Variants in KCTD8 observed in about 807,000 individuals in gnomAD.
The protein encoded by KCTD8 is potassium channel tetramerization domain containing 8, also known as BTB/POZ domain-containing protein KCTD8.
Under a neutral mutation model 31.5 loss-of-function variants are expected in KCTD8, and 27 were observed. The ratio of observed to expected loss-of-function variants is 0.86; its 90% CI spans 0.63 to 1.18. The LOEUF (loss-of-function observed/expected upper bound fraction) is 1.18, where lower values mean the gene tolerates loss of function less well. Ranked by LOEUF, KCTD8 falls within the 50% of genes most tolerant of loss-of-function variation. The pLI is 0.00. For missense variants in KCTD8, 658 were observed against 647.7 expected (o/e 1.02, Z -0.17); for synonymous variants, 290 against 280.0 (o/e 1.04, Z -0.36).
At chr4:44,211,850 T>C (rs2109343873) in intron 1 of KCTD8, among the ~76,000 whole-genome samples, 1 of 152,232 alleles carries the variant, frequency 6.6e-6, no homozygotes, top group Middle Eastern at 3.4e-3. Flanking sequence ...ATATTTTGTA[T>C]GATTTGTTAT....
At chr4:44,415,156 T>C (rs542230591) in intron 1 of KCTD8, among the ~76,000 whole-genome samples, 25 of 152,178 alleles carry the variant, frequency 1.6e-4, no homozygotes, top group African/African-American at 5.8e-4. Flanking sequence ...TAGGGATCAG[T>C]GGATGTTTGA....
At chr4:44,370,632 G>T (rs937321345) in intron 1 of KCTD8, among the ~76,000 whole-genome samples, 1 of 152,198 alleles carries the variant, frequency 6.6e-6, no homozygotes, top group Non-Finnish European at 1.5e-5. Context: ...AAATAAGGAG[G>T]ATAACAATCA....
At chr4:44,266,990 CAA>C (rs1328515261) in intron 1 of KCTD8, among the ~76,000 whole-genome samples, 9 of 152,090 alleles carry the variant, frequency 5.9e-5, no homozygotes, top group Non-Finnish European at 1.3e-4. Context: ...ATCAACGAGA[CAA>C]AAAGTTAACA....
At chr4:44,247,326 C>T (rs957397760) in intron 1 of KCTD8, among the ~76,000 whole-genome samples, 4 of 151,964 alleles carry the variant, frequency 2.6e-5, no homozygotes, top group African/African-American at 7.2e-5. Context: ...TTAATCACTC[C>T]TAATAGTTCC....
chr4:44,377,517 A>G (rs1719946646), intron 1 of KCTD8, among the ~76,000 whole-genome samples: 2 of 152,164 alleles, frequency 1.3e-5, no homozygotes, highest in African/African-American at 4.8e-5. Flanking sequence ...AAAAGAAGGC[A>G]CAGCTGCAGG....
chr4:44,361,356 T>G (rs1435944466), intron 1 of KCTD8, among the ~76,000 whole-genome samples: 1 of 152,030 alleles, frequency 6.6e-6, no homozygotes, highest in Non-Finnish European at 1.5e-5. Flanking sequence ...TTTGGGCCAT[T>G]GTTTAACATG....
intron 1 of KCTD8, among the ~76,000 whole-genome samples, chr4:44,201,898 A>G (rs565021789): frequency 6.6e-6 from 1 of 152,308 alleles, no homozygotes; most frequent in African/African-American, 2.4e-5. Context: ...TGCATCTGAC[A>G]GAAGTCTAAA....
chr4:44,428,443 T>G (rs1721398568), intron 1 of KCTD8, among the ~76,000 whole-genome samples: 1 of 151,710 alleles, frequency 6.6e-6, no homozygotes, highest in Non-Finnish European at 1.5e-5. Flanking sequence ...ATTAAGACTC[T>G]GATCAAGTCA....
chr4:44,221,798 G>C (rs1254723232), intron 1 of KCTD8, among the ~76,000 whole-genome samples: 1 of 151,712 alleles, frequency 6.6e-6, no homozygotes, highest in Non-Finnish European at 1.5e-5. Context: ...CTGATTAGAT[G>C]GTGCCCACCC....
intron 1 of KCTD8, among the ~76,000 whole-genome samples, chr4:44,357,088 GCA>G (rs1560434763): frequency 1.4e-5 from 1 of 73,872 alleles, no homozygotes; most frequent in African/African-American, 4.0e-5. Flanking sequence ...GGCATTTGAG[GCA>G]AAAAAAAAAA....
At chr4:44,177,667 T>G (rs1329209601) in intron 1 of KCTD8, among the ~76,000 whole-genome samples, 1 of 152,328 alleles carries the variant, frequency 6.6e-6, no homozygotes, top group East Asian at 1.9e-4. Context: ...AAGACATAAC[T>G]TGCTCCTCCT....
At chr4:44,428,533 T>C (rs990905532) in intron 1 of KCTD8, among the ~76,000 whole-genome samples, 2 of 151,754 alleles carry the variant, frequency 1.3e-5, no homozygotes, top group East Asian at 1.9e-4. Flanking sequence ...ATCAATATTT[T>C]TGGGATTAGA....
chr4:44,255,138 G>T (rs553765883), intron 1 of KCTD8, among the ~76,000 whole-genome samples: 1 of 151,822 alleles, frequency 6.6e-6, no homozygotes, highest in Non-Finnish European at 1.5e-5. Context: ...GATGATAAAC[G>T]TCTTTTTTTC....
At chr4:44,372,333 A>C (rs753825150) in intron 1 of KCTD8, among the ~76,000 whole-genome samples, 1 of 152,190 alleles carries the variant, frequency 6.6e-6, no homozygotes, top group Non-Finnish European at 1.5e-5. Context: ...ATTCCAGAAA[A>C]AGACAAACAG....
intron 1 of KCTD8, among the ~76,000 whole-genome samples, chr4:44,392,487 TA>T (rs1473036476): frequency 6.6e-6 from 1 of 152,026 alleles, no homozygotes; most frequent in Non-Finnish European, 1.5e-5. Flanking sequence ...TCCATAATAT[TA>T]AAGTCAAAAC....
chr4:44,442,774 T>TACACACATATACAC (rs1553908577), intron 1 of KCTD8, among the ~76,000 whole-genome samples: 3 of 147,234 alleles, frequency 2.0e-5, no homozygotes, highest in Non-Finnish European at 4.5e-5. Flanking sequence ...AACTAAGGTA[T>TACACACATATACAC]ACACACACAC....
intron 1 of KCTD8, among the ~76,000 whole-genome samples, chr4:44,370,347 G>A (rs1428688490): frequency 6.6e-6 from 1 of 152,064 alleles, no homozygotes; most frequent in Non-Finnish European, 1.5e-5. Flanking sequence ...CTTCCAAGAT[G>A]GTAATATATA....
intron 1 of KCTD8, among the ~76,000 whole-genome samples, chr4:44,365,895 T>C (rs1719619266): frequency 6.6e-6 from 1 of 152,110 alleles, no homozygotes. Flanking sequence ...AACTATTACA[T>C]AAATTATGGT....
intron 1 of KCTD8, among the ~76,000 whole-genome samples, chr4:44,198,199 T>C (rs980259193): frequency 2.0e-5 from 3 of 152,104 alleles, no homozygotes; most frequent in East Asian, 1.9e-4. Context: ...CTGGGAGAGA[T>C]AGAGAGTGAA....
Sources: allele counts gnomAD v4.1 joint callset (sites outside exome capture counted in the v4.1 genomes callset), GRCh38; gene constraint gnomAD v4.1.1; transcripts MANE v1.5; gene names NCBI Gene and HGNC (gene_info 2026-07-23, HGNC 2026-07-21).